Variants in USP35 observed in about 807,000 individuals in gnomAD.
USP35 encodes ubiquitin specific peptidase 35.
A neutral mutation model predicts 83.8 loss-of-function variants in USP35; 69 were observed. That is an observed-to-expected ratio of 0.82 (90% CI 0.68 to 1.01). The LOEUF (loss-of-function observed/expected upper bound fraction) is 1.01, where lower values mean the gene tolerates loss of function less well. Among genes scored for constraint, USP35 ranks in the 50% least tolerant of loss-of-function variants. The pLI is 0.00. For synonymous variants in USP35, 714 were observed against 589.5 expected, an observed-to-expected ratio of 1.21 and a Z score of -3.06; for missense variants, 1,503 against 1,362.5, an observed-to-expected ratio of 1.10 and a Z score of -1.62.
chr11:78,206,103 G>T, intron 7 of USP35, 68 bp downstream of exon 7: 58 of 1,491,382 alleles, frequency 3.9e-5, no homozygotes, highest in Middle Eastern at 3.6e-4. Context: ...ATGACAGGTG[G>T]AAAGGTGTCC....
chr11:78,209,001 G>C (rs765945399), intron 9 of USP35, 38 bp downstream of exon 9: 4 of 1,599,718 alleles, frequency 2.5e-6, no homozygotes, highest in Admixed American at 3.4e-5. Flanking sequence ...TCCAGGTCTA[G>C]AGGGTCCTTG....
At chr11:78,210,883 T>C (rs1863746090) in intron 10 of USP35, 139 bp downstream of exon 10, 3 of 898,052 alleles carry the variant, frequency 3.3e-6, no homozygotes, top group African/African-American at 3.3e-5. Context: ...GGGTATATAC[T>C]GGTGGCCCAG....
chr11:78,210,658 T>C lies in USP35; in HGVS notation c.2803T>C (p.Leu935=), dbSNP rs751030601. 6 of 1,613,768 alleles carry C rather than the reference T, an allele frequency of 3.7e-6. No individual in the cohort carries two copies. Among genetic ancestry groups the C allele is most frequent in the South Asian group, 3.3e-5 (3 of 91,020 alleles). The change falls in exon 10 of 11, where the codon TTG becomes CTG. Residue 935 remains leucine, a synonymous_variant. Transcript: ENST00000529308. The part of the protein sequence containing the change: ...QRPREGPEAE[L]GSSRVRTEPT... ...GCCCAGGGAGGGGCCCGAGGCTGAG[T>C]TGGGCTCTTCTAGAGTCCGGACAGA...
chr11:78,199,811 TG>T (rs962693871), intron 4 of USP35, 87 bp downstream of exon 4: 4 of 1,593,152 alleles, frequency 2.5e-6, no homozygotes, highest in Non-Finnish European at 3.4e-6. Context: ...GTCAGAGCAT[TG>T]GGCCTACCCA....
At chr11:78,226,315 TG>T in the USP35 span, 1 of 655,660 alleles carries the variant, frequency 1.5e-6, no homozygotes, top group Non-Finnish European at 2.7e-6. Flanking sequence ...GTAAGGGATC[TG>T]GGTAGAAGAC....
At chr11:78,221,503 C>T in the USP35 span, among the ~76,000 whole-genome samples, 216 of 152,256 alleles carry the variant, frequency 1.4e-3, no homozygotes, top group African/African-American at 5.1e-3. Flanking sequence ...GATGACAACT[C>T]CTACTGCTTG....
chr11:78,222,249 T>A, the USP35 span: 4 of 1,089,658 alleles, frequency 3.7e-6, no homozygotes, highest in Non-Finnish European at 5.7e-6. Context: ...ATGCTACACA[T>A]ACACACCTTA....
chr11:78,219,467 G>A, downstream of USP35: 1 of 1,573,582 alleles, frequency 6.4e-7, no homozygotes, highest in South Asian at 1.1e-5. Flanking sequence ...CCAGTTAGGT[G>A]GGGAGGAAGA....
At chr11:78,226,620 G>GGGGGGGGGGGGGGGGGGGGCC in the USP35 span, 2 of 1,500,514 alleles carry the variant, frequency 1.3e-6, no homozygotes, top group Non-Finnish European at 1.9e-6. Context: ...GCGGGGTGGG[G>GGGGGGGGGGGGGGGGGGGGCC]GAGCTATGGC....
At position 78,196,198 on chromosome 11, in the gene USP35, G is replaced by A. The variant is rs1863137853; in HGVS notation, c.-10-38G>A. On this transcript the variant is annotated intron_variant, in intron 1 of 10. Transcript: ENST00000529308. This position sits in a 1 kb window ranked among gnomAD's most constrained non-coding sequence, Gnocchi z 4.8. ...TGCACCGGGAACTCTTGAGCCCCGC[G>A]GTTGTCGGGCTGTGACCTCATTCCC... The A allele has an allele frequency of 1.3e-6, 2 of 1,542,998 alleles. No individual in the cohort carries two copies. Among genetic ancestry groups the A allele is most frequent in the Non-Finnish European group, 1.7e-6 (2 of 1,155,036 alleles).
At chr11:78,206,989 T>C (rs1863548631) in intron 7 of USP35, among the ~76,000 whole-genome samples, 1 of 152,168 alleles carries the variant, frequency 6.6e-6, no homozygotes, top group South Asian at 2.1e-4. Flanking sequence ...GCCTCCCTCA[T>C]TGGAAGGCAG....
the USP35 span, among the ~76,000 whole-genome samples, chr11:78,232,345 C>T: frequency 3.3e-5 from 5 of 152,168 alleles, no homozygotes; most frequent in Non-Finnish European, 7.4e-5. Flanking sequence ...TGACTCACAT[C>T]AATGTATCAT....
chr11:78,196,932 CG>C lies in USP35; in HGVS notation c.673+18del. The C allele has an allele frequency of 6.9e-7, 1 of 1,440,686 alleles. No individual in the cohort carries two copies. The highest frequency in any genetic ancestry group is 9.1e-7 in the Non-Finnish European group (1 of 1,100,294). 89.2% of individuals were successfully genotyped at this position (1,440,686 alleles called of 1,614,324 possible). ...TCTCCTGCGCAGGTGCGTGTGCGGC[CG>C]GGGCAGGAGCGCGGGCATGCGGAGG... On this transcript the variant is annotated intron_variant, in intron 2 of 10. Coordinates refer to ENST00000529308, the MANE Select transcript of USP35 (RefSeq NM_020798.4). The surrounding 1 kb of genome is among the most constrained non-coding windows in gnomAD (Gnocchi z 4.8).
downstream of USP35, chr11:78,216,424 TGGA>T (rs1425293585): frequency 6.6e-6 from 1 of 152,122 alleles, no homozygotes; most frequent in African/African-American, 2.4e-5. Flanking sequence ...ACTCCTTTGT[TGGA>T]GGAGGTAGTG....
At chr11:78,191,930 G>A (rs1283079670) in intron 1 of USP35, among the ~76,000 whole-genome samples, 2 of 146,528 alleles carry the variant, frequency 1.4e-5, no homozygotes, top group Admixed American at 7.1e-5. Flanking sequence ...TGCAAGCTCC[G>A]CCTCCTGGGT....
chr11:78,209,634 C>A lies in USP35; in HGVS notation c.1779C>A (p.Phe593Leu). The change falls in exon 10 of 11, where the codon TTC (phenylalanine) becomes TTA (leucine). Residue 593 changes from phenylalanine to leucine, a missense_variant. Phe to Leu is a conservative substitution (Grantham distance 22). Transcript: ENST00000529308. Reference protein sequence around the residue: ...CLNVSSREEAFTDLSLAFPPP... With the variant: ...CLNVSSREEALTDLSLAFPPP... ...ACGTCTCCTCCCGGGAGGAGGCCTT[C>A]ACGGACCTCTCTCTCGCCTTCCCTC... 1 of 1,614,094 alleles carries A rather than the reference C, an allele frequency of 6.2e-7. No individual in the cohort carries two copies. The highest frequency in any genetic ancestry group is 8.5e-7 in the Non-Finnish European group (1 of 1,179,964).
chr11:78,207,476 G>C, intron 7 of USP35, 54 bp from the exon 8 acceptor site: 1 of 1,579,596 alleles, frequency 6.3e-7, no homozygotes, highest in Non-Finnish European at 8.7e-7. Flanking sequence ...TGGGTGACTA[G>C]AGACTCCTTG....
chr11:78,222,547 A>C, the USP35 span, among the ~76,000 whole-genome samples: 6 of 148,206 alleles, frequency 4.0e-5, no homozygotes, highest in South Asian at 1.0e-3. Context: ...TAATATATTA[A>C]TATTTATAAA....
chr11:78,205,758 G>T, intron 6 of USP35, 84 bp from the exon 7 acceptor site: 3 of 1,492,592 alleles, frequency 2.0e-6, no homozygotes, highest in Non-Finnish European at 1.8e-6. Context: ...GGCTGTATCT[G>T]AGAAGGCCTC....
Sources: allele counts gnomAD v4.1 joint callset (sites outside exome capture counted in the v4.1 genomes callset), GRCh38; gene constraint gnomAD v4.1.1; non-coding constraint Gnocchi (gnomAD v3.1); transcripts MANE v1.5; gene names NCBI Gene and HGNC (gene_info 2026-07-23, HGNC 2026-07-21).